The following VWC2L variants were observed in gnomAD, a reference collection of about 807,000 sequenced individuals.
VWC2L encodes von Willebrand factor C domain containing 2 like.
In VWC2L, 10 loss-of-function variants were observed where a neutral mutation model predicts 21.6. That is an observed-to-expected ratio of 0.46 (90% CI 0.29 to 0.78). VWC2L has a LOEUF of 0.78. Ranked by LOEUF, VWC2L falls within the 30% of genes least tolerant of loss-of-function variation. The probability of loss-of-function intolerance (pLI) is 0.10; values close to 1 mark genes in which losing one functional copy is unlikely to be tolerated. For missense variants in VWC2L, 209 were observed against 277.1 expected (o/e 0.75, Z 1.74); for synonymous variants, 96 against 94.3 (o/e 1.02, Z -0.10).
At chr2:214,452,953 C>G (rs1259523515) in intron 3 of VWC2L, among the ~76,000 whole-genome samples, 1 of 152,048 alleles carries the variant, frequency 6.6e-6, no homozygotes, top group Non-Finnish European at 1.5e-5. Context: ...TTGAAGAATT[C>G]TTTATATATT....
chr2:214,418,250 G>A (rs1310093179), intron 2 of VWC2L, among the ~76,000 whole-genome samples: 1 of 152,142 alleles, frequency 6.6e-6, no homozygotes. Context: ...CTGATACTGT[G>A]AAGAGCTTTA....
In VWC2L at chr2:214,577,363, T is replaced by G. The variant is rs936273930; in HGVS notation, c.*1543T>G. ...TTATTCGTTGGTGGGGGCTGTCCTG[T>G]GTGCTTTTAGGATGTTTAGCACCAT... is the stretch of plus-strand genomic sequence containing the variant. On this transcript the variant is annotated 3_prime_UTR_variant, in exon 4 of 4. Coordinates refer to ENST00000312504, the MANE Select transcript of VWC2L (RefSeq NM_001080500.4). The G allele has an allele frequency of 8.5e-5, 13 of 152,222 alleles. No individual in the cohort carries two copies. Among genetic ancestry groups the G allele is most frequent in the African/African-American group, 1.7e-4 (7 of 41,446 alleles). The allele number at this position is 152,222 out of a possible 1,614,324, so 9.4% of individuals were successfully genotyped here.
At chr2:214,498,532 G>T (rs925846918) in intron 3 of VWC2L, among the ~76,000 whole-genome samples, 1 of 151,836 alleles carries the variant, frequency 6.6e-6, no homozygotes, top group Non-Finnish European at 1.5e-5. Flanking sequence ...TACAGAAAAA[G>T]TTTATGATTT....
At chr2:214,413,055 T>G (rs1337331461) in intron 1 of VWC2L, among the ~76,000 whole-genome samples, 2 of 152,040 alleles carry the variant, frequency 1.3e-5, no homozygotes, top group African/African-American at 4.8e-5. Context: ...GCACCAATAC[T>G]AAGTGGAGTT....
intron 3 of VWC2L, among the ~76,000 whole-genome samples, chr2:214,561,786 A>ATC (rs2105929752): frequency 2.5e-4 from 2 of 7,996 alleles, no homozygotes; most frequent in South Asian, 0.04. Flanking sequence ...AAAAAAAATT[A>ATC]TATATATATA....
chr2:214,560,121 G>C (rs1559331050), intron 3 of VWC2L, among the ~76,000 whole-genome samples: 1 of 152,076 alleles, frequency 6.6e-6, no homozygotes, highest in Non-Finnish European at 1.5e-5. Flanking sequence ...ATTTCTGTTT[G>C]ATAGTTGCTA....
chr2:214,477,922 T>TG (rs1368850030), intron 3 of VWC2L, among the ~76,000 whole-genome samples: 2 of 152,228 alleles, frequency 1.3e-5, no homozygotes, highest in Non-Finnish European at 2.9e-5. Flanking sequence ...ACAGAGATTA[T>TG]GAAAAAAAAC....
chr2:214,463,099 G>A (rs903062987), intron 3 of VWC2L, among the ~76,000 whole-genome samples: 14 of 151,810 alleles, frequency 9.2e-5, no homozygotes, highest in Non-Finnish European at 1.8e-4. Flanking sequence ...TGCCATTCTC[G>A]GATATAGTAC....
intron 3 of VWC2L, among the ~76,000 whole-genome samples, chr2:214,510,629 A>G (rs1170693588): frequency 2.0e-5 from 3 of 152,194 alleles, no homozygotes; most frequent in African/African-American, 7.2e-5. Context: ...TTCATTTTAA[A>G]CTTAGGACTT....
chr2:214,462,515 G>T (rs1289434174), intron 3 of VWC2L, among the ~76,000 whole-genome samples: 1 of 152,154 alleles, frequency 6.6e-6, no homozygotes, highest in Non-Finnish European at 1.5e-5. Flanking sequence ...CTGCTGCTGG[G>T]TGCCTCTAGT....
At chr2:214,540,257 T>C (rs1689605770) in intron 3 of VWC2L, among the ~76,000 whole-genome samples, 1 of 152,142 alleles carries the variant, frequency 6.6e-6, no homozygotes, top group Non-Finnish European at 1.5e-5. Flanking sequence ...ATCGAGTATT[T>C]TATGGAATCT....
At chr2:214,524,763 GAA>G (rs1689301692) in intron 3 of VWC2L, among the ~76,000 whole-genome samples, 1 of 152,052 alleles carries the variant, frequency 6.6e-6, no homozygotes, top group Non-Finnish European at 1.5e-5. Context: ...CTCTTCAAAT[GAA>G]AGACTGAACT....
intron 3 of VWC2L, among the ~76,000 whole-genome samples, chr2:214,463,806 G>A (rs978110645): frequency 1.3e-5 from 2 of 151,860 alleles, no homozygotes; most frequent in African/African-American, 2.4e-5. Context: ...GCCCTTTTGA[G>A]GATACTTTCT....
At chr2:214,537,283 C>T (rs148117817) in intron 3 of VWC2L, among the ~76,000 whole-genome samples, 1 of 152,062 alleles carries the variant, frequency 6.6e-6, no homozygotes, top group African/African-American at 2.4e-5. Flanking sequence ...TTAAATATAC[C>T]ACATTTTCTC....
chr2:214,456,124 C>T (rs776614828), intron 3 of VWC2L, among the ~76,000 whole-genome samples: 1 of 152,084 alleles, frequency 6.6e-6, no homozygotes, highest in Non-Finnish European at 1.5e-5. Context: ...GTACTGTTTT[C>T]AATAATGGCT....
chr2:214,414,165 A>G lies in VWC2L; in HGVS notation c.-29A>G, dbSNP rs1339676625. The G allele has an allele frequency of 3.2e-6, 5 of 1,587,140 alleles. No individual in the cohort carries two copies. The Admixed American group carries it at 7.9e-5, about 25-fold the overall frequency. On this transcript the variant is annotated 5_prime_UTR_variant, in exon 2 of 4. Transcript: ENST00000312504. Reference sequence around the variant, plus strand: ...GGAGCTGAGTATATTTAATATTAGGAGCACATCCAGAAGTCTTTGAAGAGG... The same window carrying G: ...GGAGCTGAGTATATTTAATATTAGGGGCACATCCAGAAGTCTTTGAAGAGG...
At chr2:214,505,579 A>T (rs1032453029) in intron 3 of VWC2L, among the ~76,000 whole-genome samples, 24 of 152,184 alleles carry the variant, frequency 1.6e-4, no homozygotes, top group African/African-American at 5.5e-4. Flanking sequence ...TACACAAAGC[A>T]CAGTGTTTTC....
intron 3 of VWC2L, among the ~76,000 whole-genome samples, chr2:214,561,143 G>A (rs1689963003): frequency 6.6e-6 from 1 of 152,160 alleles, no homozygotes; most frequent in African/African-American, 2.4e-5. Flanking sequence ...ACAGATTGCT[G>A]GGCCCCATAC....
intron 3 of VWC2L, among the ~76,000 whole-genome samples, chr2:214,516,463 G>C (rs1224429837): frequency 6.6e-6 from 1 of 152,064 alleles, no homozygotes; most frequent in Non-Finnish European, 1.5e-5. Context: ...CCCAAAACCA[G>C]AAGATACCAG....
Sources: gnomAD v4.1 joint callset for allele counts (sites outside exome capture counted in the v4.1 genomes callset) on GRCh38, gnomAD v4.1.1 for gene constraint, MANE v1.5 for transcripts, NCBI Gene and HGNC (gene_info 2026-07-23, HGNC 2026-07-21) for gene names.